Variants in CTNNA3 observed in about 807,000 individuals in gnomAD.
The protein encoded by CTNNA3 is catenin alpha-3.
In CTNNA3, 76 loss-of-function variants were observed where a neutral mutation model predicts 95.7. The ratio of observed to expected loss-of-function variants is 0.79; its 90% CI spans 0.66 to 0.96. The LOEUF is 0.96. Among genes scored for constraint, CTNNA3 ranks in the 40% least tolerant of loss-of-function variants. CTNNA3 has a pLI of 0.00. For synonymous variants in CTNNA3, 431 were observed against 374.4 expected (o/e 1.15, Z -1.74); for missense variants, 1,191 against 1,089.8 (o/e 1.09, Z -1.31).
intron 1 of CTNNA3, among the ~76,000 whole-genome samples, chr10:67,653,628 C>T (rs1401540286): frequency 6.6e-5 from 10 of 152,090 alleles, no homozygotes; most frequent in Admixed American, 6.5e-4. Flanking sequence ...CATATATAGT[C>T]CCTTGGAATC....
intron 11 of CTNNA3, among the ~76,000 whole-genome samples, chr10:66,443,652 T>C (rs989802018): frequency 2.0e-5 from 3 of 151,152 alleles, no homozygotes; most frequent in Admixed American, 6.6e-5. Context: ...AGAAAGGACA[T>C]CCACACCAAA....
intron 11 of CTNNA3, among the ~76,000 whole-genome samples, chr10:66,395,741 C>T (rs887689739): frequency 6.6e-6 from 1 of 151,978 alleles, no homozygotes; most frequent in Non-Finnish European, 1.5e-5. Flanking sequence ...TCACCAGCAT[C>T]AGTAATTGTT....
At chr10:66,439,482 T>A (rs958435210) in intron 11 of CTNNA3, among the ~76,000 whole-genome samples, 1 of 152,114 alleles carries the variant, frequency 6.6e-6, no homozygotes, top group Non-Finnish European at 1.5e-5. Flanking sequence ...ATGTGCATAT[T>A]TCTGTAGATT....
intron 12 of CTNNA3, among the ~76,000 whole-genome samples, chr10:66,285,543 T>C (rs2091570796): frequency 6.6e-6 from 1 of 151,892 alleles, no homozygotes; most frequent in South Asian, 2.1e-4. Flanking sequence ...ATTTTCTAAT[T>C]TGTTTACATC....
chr10:66,112,561 A>G (rs1021717137), intron 13 of CTNNA3, among the ~76,000 whole-genome samples: 1 of 152,150 alleles, frequency 6.6e-6, no homozygotes, highest in African/African-American at 2.4e-5. Flanking sequence ...TGCTGTATAT[A>G]TAGTAGGATC....
chr10:67,546,552 C>A (rs1382035813), intron 3 of CTNNA3, among the ~76,000 whole-genome samples: 1 of 151,996 alleles, frequency 6.6e-6, no homozygotes, highest in Non-Finnish European at 1.5e-5. Flanking sequence ...AACAAACTGA[C>A]AAAGGAACAA....
chr10:67,124,722 T>C (rs1589766003), intron 7 of CTNNA3, among the ~76,000 whole-genome samples: 1 of 152,238 alleles, frequency 6.6e-6, no homozygotes, highest in African/African-American at 2.4e-5. Flanking sequence ...ATAATTCATT[T>C]ATAGCCTATT....
chr10:66,663,041 A>G (rs10740245), intron 9 of CTNNA3, among the ~76,000 whole-genome samples: 98,825 of 151,216 alleles, frequency 0.65, 33,093 homozygotes, highest in East Asian at 0.95. Context: ...ACTGACCTCC[A>G]GGAGCTGAAT....
At chr10:66,252,524 T>G (rs1249617526) in intron 13 of CTNNA3, among the ~76,000 whole-genome samples, 1 of 152,220 alleles carries the variant, frequency 6.6e-6, no homozygotes, top group African/African-American at 2.4e-5. Flanking sequence ...CCTTTGGACC[T>G]TAAATTCTAG....
At chr10:67,049,512 T>C (rs74141773) in intron 7 of CTNNA3, among the ~76,000 whole-genome samples, 1,658 of 152,220 alleles carry the variant, frequency 0.011, 35 homozygotes, top group African/African-American at 0.038. Flanking sequence ...ACTCACCCAG[T>C]TTACTGATAA....
intron 5 of CTNNA3, among the ~76,000 whole-genome samples, chr10:67,287,051 A>T (rs10823016): frequency 0.23 from 34,434 of 152,030 alleles, 4,843 homozygotes; most frequent in East Asian, 0.3. Context: ...ATGAAAAAAC[A>T]TGCTGGGCCC....
chr10:67,182,975 A>G (rs1296629348), intron 6 of CTNNA3, among the ~76,000 whole-genome samples: 1 of 152,240 alleles, frequency 6.6e-6, no homozygotes, highest in Non-Finnish European at 1.5e-5. Context: ...AATGCAAATC[A>G]AAACCACAAT....
intron 7 of CTNNA3, among the ~76,000 whole-genome samples, chr10:66,954,392 G>A (rs903609193): frequency 6.6e-5 from 10 of 152,106 alleles, no homozygotes; most frequent in African/African-American, 2.4e-4. Flanking sequence ...GACTGCAGAG[G>A]AGAAATAAAA....
chr10:67,015,283 T>C (rs1852589346), intron 7 of CTNNA3: 3 of 152,210 alleles, frequency 2.0e-5, no homozygotes, highest in Admixed American at 2.0e-4. Context: ...ATAGATTTGA[T>C]GCTAACCATC....
chr10:66,786,417 A>G (rs1468006227), intron 7 of CTNNA3, among the ~76,000 whole-genome samples: 1 of 152,190 alleles, frequency 6.6e-6, no homozygotes, highest in Non-Finnish European at 1.5e-5. Context: ...AACAATAATA[A>G]AAAGCAATTA....
chr10:66,599,206 T>C (rs185589444), intron 10 of CTNNA3, among the ~76,000 whole-genome samples: 264 of 152,104 alleles, frequency 1.7e-3, no homozygotes, highest in African/African-American at 6.3e-3. Context: ...CCATGATTTC[T>C]AGGCAGCATC....
chr10:66,342,362 C>A (rs2092462785), intron 12 of CTNNA3, among the ~76,000 whole-genome samples: 1 of 151,980 alleles, frequency 6.6e-6, no homozygotes, highest in Non-Finnish European at 1.5e-5. Flanking sequence ...ATGAAAAATA[C>A]ATCCATTTAT....
chr10:66,982,351 C>T (rs944284903), intron 7 of CTNNA3, among the ~76,000 whole-genome samples: 42 of 152,158 alleles, frequency 2.8e-4, no homozygotes, highest in African/African-American at 9.9e-4. Context: ...ACCAGCCTTG[C>T]CCCTCAGTAG....
At chr10:66,723,630 G>A (rs1848695909) in intron 9 of CTNNA3, among the ~76,000 whole-genome samples, 1 of 152,218 alleles carries the variant, frequency 6.6e-6, no homozygotes, top group African/African-American at 2.4e-5. Context: ...CACATGCAGT[G>A]TCCCTCAATG....
Sources: allele counts gnomAD v4.1 joint callset (sites outside exome capture counted in the v4.1 genomes callset), GRCh38; gene constraint gnomAD v4.1.1; transcripts MANE v1.5; gene names NCBI Gene and HGNC (gene_info 2026-07-23, HGNC 2026-07-21).